MINDY3: variants seen among roughly 807,000 people sequenced by gnomAD.
MINDY3 encodes the protein ubiquitin carboxyl-terminal hydrolase MINDY-3.
A neutral mutation model predicts 69.2 loss-of-function variants in MINDY3; 38 were observed. The observed-to-expected ratio is 0.55, with a 90% CI of 0.42 to 0.72. The LOEUF is 0.72. Among genes scored for constraint, MINDY3 ranks in the 30% least tolerant of loss-of-function variants. The pLI is 0.00. For synonymous variants in MINDY3, 192 were observed against 180.1 expected, an observed-to-expected ratio of 1.07 and a Z score of -0.53; for missense variants, 522 against 519.0, an observed-to-expected ratio of 1.01 and a Z score of -0.06.
intron 1 of MINDY3, among the ~76,000 whole-genome samples, chr10:15,859,490 G>A (rs1834931472): frequency 6.6e-6 from 1 of 152,082 alleles, no homozygotes; most frequent in South Asian, 2.1e-4. Flanking sequence ...CTGTTACAGT[G>A]CAAGAATTCA....
At chr10:15,855,777 T>C (rs561053107) in intron 1 of MINDY3, among the ~76,000 whole-genome samples, 19 of 152,244 alleles carry the variant, frequency 1.2e-4, no homozygotes, top group African/African-American at 3.6e-4. Flanking sequence ...AATATCTCAA[T>C]TGGACTTCAC....
chr10:15,849,347 C>T lies in MINDY3; in HGVS notation c.95-1404G>A, dbSNP rs148877487. Among the ~76,000 whole-genome samples the T allele has an allele frequency of 8.9e-4, 135 of 151,700 alleles. 1 individual carries two copies. The highest frequency in any genetic ancestry group is 2.9e-3 in the African/African-American group (119 of 41,376). Reference sequence around the variant, plus strand: ...TAGGATGGAGGTGCCAGCAAATGGGCGGCAGGAAAGATGACAAGTGGTTAA... The same window carrying T: ...TAGGATGGAGGTGCCAGCAAATGGGTGGCAGGAAAGATGACAAGTGGTTAA... On this transcript the variant is annotated intron_variant, in intron 1 of 14. Coordinates refer to ENST00000277632, the MANE Select transcript of MINDY3 (RefSeq NM_024948.4).
At chr10:15,819,990 G>T (rs1420697834) in intron 9 of MINDY3, among the ~76,000 whole-genome samples, 1 of 152,078 alleles carries the variant, frequency 6.6e-6, no homozygotes, top group East Asian at 1.9e-4. Flanking sequence ...AAATATTTCT[G>T]AGCACCTGGC....
intron 2 of MINDY3, among the ~76,000 whole-genome samples, chr10:15,846,575 T>C (rs1458424219): frequency 6.6e-6 from 1 of 152,100 alleles, no homozygotes; most frequent in African/African-American, 2.4e-5. Flanking sequence ...CTTAAAAAAA[T>C]AAATGATCTA....
chr10:15,794,342 T>A (rs1837647002), intron 11 of MINDY3, among the ~76,000 whole-genome samples: 2 of 152,040 alleles, frequency 1.3e-5, no homozygotes, highest in Non-Finnish European at 2.9e-5. Flanking sequence ...AGTTTGTAAG[T>A]GAAAAGAAAA....
In MINDY3 at chr10:15,796,519, C is replaced by G. The variant is rs577437380; in HGVS notation, c.883-347G>C. Among the ~76,000 whole-genome samples, 6 of 149,708 alleles carry G rather than the reference C, an allele frequency of 4.0e-5. No homozygotes were observed. In the South Asian group the frequency reaches 8.5e-4, roughly 21 times the overall value. Reference sequence around the variant, plus strand: ...ACAAAACAAACACAAAAACAAAACCCAAACCATTTTTTCCACATTTTTTTG... The same window carrying G: ...ACAAAACAAACACAAAAACAAAACCGAAACCATTTTTTCCACATTTTTTTG... On this transcript the variant is annotated intron_variant, in intron 10 of 14. Transcript: ENST00000277632.
chr10:15,786,112 G>A (rs1836937393), intron 13 of MINDY3, among the ~76,000 whole-genome samples: 3 of 152,156 alleles, frequency 2.0e-5, no homozygotes, highest in African/African-American at 2.4e-5. Context: ...CCCAGTGGAA[G>A]ACATGTCCCA....
chr10:15,844,621 C>G (rs1029810714), intron 2 of MINDY3, among the ~76,000 whole-genome samples: 1 of 152,052 alleles, frequency 6.6e-6, no homozygotes, highest in African/African-American at 2.4e-5. Context: ...AACATATAAG[C>G]TCCTTTTTAA....
chr10:15,805,347 T>A (rs1184017705), intron 10 of MINDY3, among the ~76,000 whole-genome samples: 1 of 152,092 alleles, frequency 6.6e-6, no homozygotes, highest in East Asian at 1.9e-4. Context: ...ATTCAGTAGG[T>A]GTTTAGAAGG....
chr10:15,821,811 T>C, intron 8 of MINDY3, 85 bp from the exon 9 acceptor site: 1 of 1,055,140 alleles, frequency 9.5e-7, no homozygotes, highest in Non-Finnish European at 1.4e-6. Flanking sequence ...TATATGTATA[T>C]ATATTTATAC....
intron 11 of MINDY3, among the ~76,000 whole-genome samples, chr10:15,790,079 C>T (rs1343096851): frequency 1.3e-5 from 2 of 152,020 alleles, no homozygotes; most frequent in Non-Finnish European, 2.9e-5. Context: ...AAATCAGCTT[C>T]CAATGTCCTT....
intron 14 of MINDY3, among the ~76,000 whole-genome samples, chr10:15,779,691 C>T (rs187084832): frequency 6.6e-6 from 1 of 151,952 alleles, no homozygotes; most frequent in East Asian, 1.9e-4. Flanking sequence ...TCCTGAAATG[C>T]AATTCATGAG....
At chr10:15,800,244 A>T (rs1425305095) in intron 10 of MINDY3, among the ~76,000 whole-genome samples, 1 of 152,164 alleles carries the variant, frequency 6.6e-6, no homozygotes, top group Admixed American at 6.6e-5. Flanking sequence ...ACTACCATGA[A>T]ATGCCACAAA....
intron 10 of MINDY3, 86 bp from the exon 11 acceptor site, chr10:15,796,258 G>T: frequency 9.8e-7 from 1 of 1,015,860 alleles, no homozygotes; most frequent in Non-Finnish European, 1.5e-6. Context: ...CAGACATAAT[G>T]ACATTGGAGT....
rs776879656 is a variant in MINDY3, at chr10:15,789,328, G to A, written c.956-9C>T. ...GGGTATGAATCCATTATCTAGGGGGGAAAAAATCAGAAACAACTTGAAATA... is the reference window on the plus strand; with the variant it reads ...GGGTATGAATCCATTATCTAGGGGGAAAAAAATCAGAAACAACTTGAAATA... On this transcript the variant is annotated splice_polypyrimidine_tract_variant and intron_variant, in intron 11 of 14. Coordinates refer to ENST00000277632, the MANE Select transcript of MINDY3 (RefSeq NM_024948.4). 6 of 1,595,622 alleles carry A rather than the reference G, an allele frequency of 3.8e-6. No homozygotes were observed. The East Asian group carries it at 6.7e-5, about 18-fold the overall frequency.
At chr10:15,845,495 G>A (rs904023393) in intron 2 of MINDY3, among the ~76,000 whole-genome samples, 2 of 151,790 alleles carry the variant, frequency 1.3e-5, no homozygotes, top group Non-Finnish European at 2.9e-5. Context: ...CAAAGTTTAC[G>A]TGACTCTTTT....
chr10:15,847,680 A>C (rs1833948104), intron 2 of MINDY3, among the ~76,000 whole-genome samples, 184 bp downstream of exon 2: 1 of 152,240 alleles, frequency 6.6e-6, no homozygotes, highest in Admixed American at 6.5e-5. Flanking sequence ...CTACTATTGC[A>C]CAACTCATCG....
intron 1 of MINDY3, among the ~76,000 whole-genome samples, chr10:15,857,225 T>C (rs546921093): frequency 2.6e-5 from 4 of 152,296 alleles, no homozygotes; most frequent in African/African-American, 9.6e-5. Flanking sequence ...GTGAAGTTTT[T>C]TATAACTACC....
chr10:15,810,102 G>A (rs1025797601), intron 10 of MINDY3, among the ~76,000 whole-genome samples: 2 of 152,174 alleles, frequency 1.3e-5, no homozygotes, highest in East Asian at 3.9e-4. Flanking sequence ...TATAGGTCAG[G>A]AAGAGGGCAC....
Sources: gnomAD v4.1 joint callset for allele counts (sites outside exome capture counted in the v4.1 genomes callset) on GRCh38, gnomAD v4.1.1 for gene constraint, MANE v1.5 for transcripts, NCBI Gene and HGNC (gene_info 2026-07-23, HGNC 2026-07-21) for gene names.